The following XPA variants were observed in gnomAD, a reference collection of about 807,000 sequenced individuals.
XPA encodes the protein DNA repair protein complementing XP-A cells.
Under a neutral mutation model 35.7 loss-of-function variants are expected in XPA, and 27 were observed. The ratio of observed to expected loss-of-function variants is 0.76; its 90% CI spans 0.56 to 1.04. The LOEUF is 1.04. XPA is among the 50% of genes least tolerant of loss of function. The pLI is 0.00. For missense variants in XPA, 354 were observed against 342.7 expected (o/e 1.03, Z -0.26); for synonymous variants, 133 against 118.4 (o/e 1.12, Z -0.80).
the XPA span, chr9:97,662,874 A>T: frequency 9.7e-7 from 1 of 1,032,498 alleles, no homozygotes; most frequent in Non-Finnish European, 1.5e-6. Context: ...TAAATTGAGT[A>T]ACATTGAAAA....
intron 5 of XPA, among the ~76,000 whole-genome samples, chr9:97,677,378 G>T (rs1828398484): frequency 6.6e-6 from 1 of 152,044 alleles, no homozygotes; most frequent in Non-Finnish European, 1.5e-5. Context: ...AGAAAAACTT[G>T]TGCCAGAAAG....
chr9:97,660,405 G>A, the XPA span, among the ~76,000 whole-genome samples: 4 of 152,156 alleles, frequency 2.6e-5, no homozygotes, highest in African/African-American at 7.2e-5. Context: ...GTCCCATCAC[G>A]TGAGCATCTG....
At chr9:97,691,886 A>ATAT (rs1828899628) in intron 2 of XPA, among the ~76,000 whole-genome samples, 9 of 124,682 alleles carry the variant, frequency 7.2e-5, no homozygotes, top group African/African-American at 2.1e-4. Context: ...TTTCTAAATA[A>ATAT]ATATATATAT....
the XPA span, among the ~76,000 whole-genome samples, chr9:97,664,023 A>G: frequency 6.6e-6 from 1 of 151,840 alleles, no homozygotes; most frequent in Non-Finnish European, 1.5e-5. Context: ...TACTAAAATT[A>G]CAAAAATTAG....
intron 5 of XPA, among the ~76,000 whole-genome samples, chr9:97,679,863 A>C (rs1307823224): frequency 2.0e-5 from 3 of 152,214 alleles, no homozygotes; most frequent in Admixed American, 6.5e-5. Flanking sequence ...TCTACTGATA[A>C]ATGCTCAAAC....
chr9:97,697,217 C>G lies in XPA; in HGVS notation c.76G>C (p.Ala26Pro), dbSNP rs766444854. 131 of 1,601,368 alleles carry G rather than the reference C, an allele frequency of 8.2e-5. No homozygotes were observed. Among genetic ancestry groups the G allele is most frequent in the Middle Eastern group, 1.8e-4 (1 of 5,420 alleles). The change falls in exon 1 of 6, where the codon GCG (alanine) becomes CCG (proline). Residue 26 changes from alanine to proline, a missense_variant. Coordinates refer to ENST00000375128, the MANE Select transcript of XPA (RefSeq NM_000380.4). ...QPAELPASVRASIERKRQRAL... is the reference protein window; with the variant it reads ...QPAELPASVRPSIERKRQRAL... ...CGCTGCCGCTTCCGCTCGATACTCG[C>G]CCGCACCGAGGCAGGCAGCTCCGCG...
chr9:97,655,867 T>C, the XPA span: 1 of 1,366,628 alleles, frequency 7.3e-7, no homozygotes, highest in Non-Finnish European at 1.0e-6. Flanking sequence ...TGGAAACTAT[T>C]TGTAGTTAAG....
At chr9:97,655,663 C>A in the XPA span, 5 of 1,526,070 alleles carry the variant, frequency 3.3e-6, no homozygotes, top group Non-Finnish European at 9.0e-7. Context: ...CCCAGTTATT[C>A]TTCCTTTTTC....
At chr9:97,668,768 T>C in the XPA span, 3 of 1,494,180 alleles carry the variant, frequency 2.0e-6, no homozygotes, top group African/African-American at 2.8e-5. Context: ...CCAGACACAG[T>C]AAAATGCTTC....
At chr9:97,689,722 TG>T in intron 2 of XPA, 83 bp from the exon 3 acceptor site, 1 of 746,914 alleles carries the variant, frequency 1.3e-6, no homozygotes, top group African/African-American at 1.8e-5. Context: ...CTTATCAGCA[TG>T]TATGCAATGC....
the XPA span, among the ~76,000 whole-genome samples, chr9:97,655,433 T>G: frequency 2.0e-4 from 30 of 152,228 alleles, no homozygotes; most frequent in East Asian, 5.8e-3. Context: ...ATCTTTTATA[T>G]GGAGAAAATA....
downstream of XPA, among the ~76,000 whole-genome samples, chr9:97,674,224 C>T (rs1368766521): frequency 6.6e-6 from 1 of 151,854 alleles, no homozygotes; most frequent in Non-Finnish European, 1.5e-5. Context: ...AGCTTTTTTC[C>T]CCAGAGACAT....
chr9:97,680,646 A>G (rs1431970672), intron 5 of XPA, among the ~76,000 whole-genome samples: 1 of 152,244 alleles, frequency 6.6e-6, no homozygotes, highest in African/African-American at 2.4e-5. Context: ...GCAAATGTCA[A>G]CATCAGGTAA....
At chr9:97,676,163 G>C (rs1239622268) in intron 5 of XPA, among the ~76,000 whole-genome samples, 1 of 152,108 alleles carries the variant, frequency 6.6e-6, no homozygotes, top group Non-Finnish European at 1.5e-5. Flanking sequence ...TTTTAGGAGA[G>C]GGCTAAAAAT....
chr9:97,670,199 T>G (rs955065373), downstream of XPA: 10 of 204,372 alleles, frequency 4.9e-5, no homozygotes, highest in African/African-American at 1.8e-4. Flanking sequence ...ATTATAGGCG[T>G]GAGCCACGGT....
At chr9:97,668,438 A>G in the XPA span, among the ~76,000 whole-genome samples, 2 of 152,204 alleles carry the variant, frequency 1.3e-5, no homozygotes, top group African/African-American at 2.4e-5. Flanking sequence ...AGCCATTTCT[A>G]AATTATAACA....
chr9:97,682,278 C>G (rs1433933666), intron 5 of XPA: 1 of 518,700 alleles, frequency 1.9e-6, no homozygotes, highest in Admixed American at 1.9e-5. Context: ...GTTCCAATTT[C>G]TTTTCAACTA....
chr9:97,683,129 G>A (rs1434935891), intron 5 of XPA, among the ~76,000 whole-genome samples: 1 of 152,100 alleles, frequency 6.6e-6, no homozygotes, highest in Non-Finnish European at 1.5e-5. Context: ...ATACCACCTG[G>A]AAATGGTTTA....
At position 97,697,188 on chromosome 9, in the gene XPA, T is replaced by C; in HGVS notation, c.105A>G (p.Ala35=). The C allele has an allele frequency of 6.3e-7, 1 of 1,595,770 alleles. No homozygotes were observed. The highest frequency in any genetic ancestry group is 8.5e-7 in the Non-Finnish European group (1 of 1,175,644). ...RASIERKRQR[A]LMLRQARLAA... ...CCAGCCGGGCCTGGCGCAGCATCAG[T>C]GCCCGCTGCCGCTTCCGCTCGATAC... The change falls in exon 1 of 6, where the codon GCA becomes GCG. Residue 35 remains alanine (A), a synonymous_variant. Transcript: ENST00000375128.
Sources: allele counts gnomAD v4.1 joint callset (sites outside exome capture counted in the v4.1 genomes callset), GRCh38; gene constraint gnomAD v4.1.1; transcripts MANE v1.5; gene names NCBI Gene and HGNC (gene_info 2026-07-23, HGNC 2026-07-21).